MLIP: variants seen among roughly 807,000 people sequenced by gnomAD.
MLIP encodes the protein muscular LMNA-interacting protein.
In MLIP, 79 loss-of-function variants were observed where a neutral mutation model predicts 84.8. The ratio of observed to expected loss-of-function variants is 0.93; its 90% CI spans 0.78 to 1.12. The LOEUF (loss-of-function observed/expected upper bound fraction) is 1.12, where lower values mean the gene tolerates loss of function less well. Among genes scored for constraint, MLIP ranks in the 50% most tolerant of loss-of-function variants. The probability of loss-of-function intolerance (pLI) is 0.00; values close to 1 mark genes in which losing one functional copy is unlikely to be tolerated. For synonymous variants in MLIP, 504 were observed against 463.0 expected, an observed-to-expected ratio of 1.09 and a Z score of -1.14; for missense variants, 1,257 against 1,160.6, an observed-to-expected ratio of 1.08 and a Z score of -1.21.
intron 12 of MLIP, among the ~76,000 whole-genome samples, chr6:54,234,973 A>G (rs549391432): frequency 2.4e-4 from 36 of 152,218 alleles, no homozygotes; most frequent in African/African-American, 8.7e-4. Context: ...TCAGTTTCGT[A>G]TCTTTAGCTG....
chr6:54,106,194 C>T (rs753552450), intron 1 of MLIP, among the ~76,000 whole-genome samples: 11 of 152,080 alleles, frequency 7.2e-5, no homozygotes, highest in Non-Finnish European at 1.5e-4. Context: ...GGATTCCTCT[C>T]TAGAGTTGTT....
At chr6:54,160,278 A>T in intron 5 of MLIP, 89 bp from the exon 6 acceptor site, 1 of 974,234 alleles carries the variant, frequency 1.0e-6, no homozygotes. Context: ...TTGGAATATT[A>T]ATACATACAA....
intron 1 of MLIP, among the ~76,000 whole-genome samples, chr6:54,062,649 G>A (rs1462007506): frequency 1.3e-5 from 2 of 152,170 alleles, no homozygotes; most frequent in East Asian, 3.8e-4. Flanking sequence ...TACTGAGGTG[G>A]CACTTACTCA....
chr6:54,134,956 A>T (rs1022031124), intron 3 of MLIP, among the ~76,000 whole-genome samples: 1 of 151,940 alleles, frequency 6.6e-6, no homozygotes, highest in African/African-American at 2.4e-5. Flanking sequence ...AATCATAGGA[A>T]ACAATTAGAG....
At chr6:54,152,126 G>A (rs1773515449) in intron 5 of MLIP, among the ~76,000 whole-genome samples, 1 of 152,174 alleles carries the variant, frequency 6.6e-6, no homozygotes, top group Non-Finnish European at 1.5e-5. Context: ...TAAATGTAAG[G>A]TATGATTTTT....
chr6:54,035,725 A>G (rs189568604), intron 1 of MLIP, among the ~76,000 whole-genome samples: 1 of 152,014 alleles, frequency 6.6e-6, no homozygotes, highest in East Asian at 1.9e-4. Flanking sequence ...AGGGTGTTGA[A>G]CATCTTTTCA....
intron 1 of MLIP, among the ~76,000 whole-genome samples, chr6:54,089,916 T>C (rs581785): frequency 0.82 from 123,698 of 151,394 alleles, 51,795 homozygotes; most frequent in East Asian, 0.96. Flanking sequence ...TGAGCTTTCT[T>C]ATAGCAGTAG....
intron 13 of MLIP, among the ~76,000 whole-genome samples, chr6:54,258,531 A>C (rs1783171198): frequency 6.6e-6 from 1 of 151,964 alleles, no homozygotes; most frequent in African/African-American, 2.4e-5. Context: ...GAACATATGG[A>C]AGACTCTCAA....
chr6:54,189,591 G>A (rs558643089), intron 9 of MLIP, among the ~76,000 whole-genome samples: 3 of 152,180 alleles, frequency 2.0e-5, no homozygotes, highest in East Asian at 3.9e-4. Context: ...ATGATATAAT[G>A]CTTATGTTAA....
At chr6:54,256,317 G>C (rs991127999) in intron 12 of MLIP, among the ~76,000 whole-genome samples, 1 of 152,118 alleles carries the variant, frequency 6.6e-6, no homozygotes. Flanking sequence ...TCTTCCCCTG[G>C]GTAGGCTAAA....
At chr6:54,212,789 AAT>A (rs1779553942) in intron 11 of MLIP, among the ~76,000 whole-genome samples, 1 of 152,242 alleles carries the variant, frequency 6.6e-6, no homozygotes, top group African/African-American at 2.4e-5. Flanking sequence ...TTCAAAATTA[AAT>A]ATGTCTGTGT....
At chr6:54,216,082 G>T (rs1398802838) in intron 11 of MLIP, 1 of 801,480 alleles carries the variant, frequency 1.2e-6, no homozygotes, top group South Asian at 5.7e-5. Flanking sequence ...CAGACACTTC[G>T]GTTGTTGCCA....
chr6:54,084,137 C>T (rs185888678), intron 1 of MLIP, among the ~76,000 whole-genome samples: 1 of 152,158 alleles, frequency 6.6e-6, no homozygotes, highest in African/African-American at 2.4e-5. Flanking sequence ...TCTACTTTTT[C>T]CTCTTTGTCC....
At chr6:54,083,188 A>G (rs1432477107) in intron 1 of MLIP, among the ~76,000 whole-genome samples, 25 of 151,998 alleles carry the variant, frequency 1.6e-4, no homozygotes, top group Admixed American at 1.6e-3. Flanking sequence ...CATGTAATAT[A>G]TACATATATT....
intron 13 of MLIP, among the ~76,000 whole-genome samples, chr6:54,261,360 G>C (rs1783378035): frequency 6.6e-6 from 1 of 151,924 alleles, no homozygotes. Context: ...TCAAATTGAA[G>C]ATCAATTGAT....
At chr6:54,095,520 T>C (rs1014856119) in intron 1 of MLIP, among the ~76,000 whole-genome samples, 1 of 152,176 alleles carries the variant, frequency 6.6e-6, no homozygotes, top group Non-Finnish European at 1.5e-5. Flanking sequence ...TGGGTTTTCC[T>C]TTCCCTTCCA....
chr6:54,245,880 T>G (rs1782046035), intron 12 of MLIP, among the ~76,000 whole-genome samples: 1 of 152,192 alleles, frequency 6.6e-6, no homozygotes, highest in South Asian at 2.1e-4. Flanking sequence ...TCTCCTATTT[T>G]GAAACTTCAG....
intron 8 of MLIP, among the ~76,000 whole-genome samples, chr6:54,163,670 C>T (rs999472326): frequency 7.2e-5 from 11 of 151,918 alleles, no homozygotes; most frequent in African/African-American, 2.7e-4. Context: ...TATATACAAA[C>T]ACAAGCACAT....
At chr6:54,232,726 G>T (rs371148517) in intron 12 of MLIP, among the ~76,000 whole-genome samples, 1 of 152,140 alleles carries the variant, frequency 6.6e-6, no homozygotes, top group East Asian at 1.9e-4. Context: ...GCCTTTAATT[G>T]CAAGACATAA....
Sources: allele counts gnomAD v4.1 joint callset (sites outside exome capture counted in the v4.1 genomes callset), GRCh38; gene constraint gnomAD v4.1.1; transcripts MANE v1.5; gene names NCBI Gene and HGNC (gene_info 2026-07-23, HGNC 2026-07-21).